MND1: variants seen among roughly 807,000 people sequenced by gnomAD.
MND1 encodes meiotic nuclear division protein 1 homolog.
Under a neutral mutation model 35.1 loss-of-function variants are expected in MND1, and 28 were observed. That is an observed-to-expected ratio of 0.80 (90% confidence interval 0.59 to 1.09). The LOEUF is 1.09. MND1 is among the 50% of genes least tolerant of loss of function. The pLI is 0.00. For synonymous variants in MND1, 69 were observed against 70.5 expected, an observed-to-expected ratio of 0.98 and a Z score of 0.11; for missense variants, 213 against 239.6, an observed-to-expected ratio of 0.89 and a Z score of 0.73.
intron 7 of MND1, among the ~76,000 whole-genome samples, chr4:153,409,599 A>G (rs964190049): frequency 6.6e-6 from 1 of 152,154 alleles, no homozygotes; most frequent in Non-Finnish European, 1.5e-5. Flanking sequence ...TAAAATGACT[A>G]TGTTTAGTCA....
At chr4:153,397,417 C>A in intron 6 of MND1, 84 bp downstream of exon 6, 2 of 900,922 alleles carry the variant, frequency 2.2e-6, no homozygotes, top group Non-Finnish European at 3.4e-6. Flanking sequence ...AACTATTCTC[C>A]ATGTATATGA....
chr4:153,378,810 T>G (rs1162993413), intron 4 of MND1, among the ~76,000 whole-genome samples: 2 of 152,208 alleles, frequency 1.3e-5, no homozygotes, highest in Non-Finnish European at 2.9e-5. Flanking sequence ...ATGGAGTCTC[T>G]GAAAGAGCCC....
intron 4 of MND1, among the ~76,000 whole-genome samples, chr4:153,385,076 T>C (rs1375193548): frequency 6.6e-6 from 1 of 152,240 alleles, no homozygotes; most frequent in African/African-American, 2.4e-5. Context: ...CCCAGCTATA[T>C]TTTGTGAAAA....
At chr4:153,391,418 A>G (rs1397169014) in intron 4 of MND1, among the ~76,000 whole-genome samples, 2 of 151,842 alleles carry the variant, frequency 1.3e-5, no homozygotes, top group Non-Finnish European at 2.9e-5. Flanking sequence ...ATAAATGGGA[A>G]CTCTTTTTTA....
chr4:153,396,536 G>A lies in MND1; in HGVS notation c.352-683G>A, dbSNP rs34887963. 6.6e-3 allele frequency among the ~76,000 whole-genome samples: 1,000 copies of A among 152,204 alleles called. 9 individuals are homozygous for A. Among genetic ancestry groups the A allele is most frequent in the African/African-American group, 0.023 (948 of 41,524 alleles). On this transcript the variant is annotated intron_variant, in intron 5 of 7. Coordinates refer to ENST00000240488, the MANE Select transcript of MND1 (RefSeq NM_032117.4). ...GTACTATAATCTTTGCCAACATTTG[G>A]TTTTTGTTTGGGCTTACTTTTCAGG...
intron 4 of MND1, among the ~76,000 whole-genome samples, chr4:153,370,671 C>A (rs1216292044): frequency 1.3e-5 from 2 of 152,012 alleles, no homozygotes; most frequent in Non-Finnish European, 2.9e-5. Context: ...GGGCAGGCAC[C>A]ATCACGCCTG....
At chr4:153,374,229 C>G (rs994644865) in intron 4 of MND1, among the ~76,000 whole-genome samples, 2 of 152,062 alleles carry the variant, frequency 1.3e-5, no homozygotes. Context: ...GAATAAATAC[C>G]GTAAGCTTTT....
intron 6 of MND1, among the ~76,000 whole-genome samples, chr4:153,398,293 A>C (rs1579948433): frequency 6.6e-6 from 1 of 152,200 alleles, no homozygotes. Context: ...TCTTTTATTT[A>C]GGAAACTTTA....
intron 6 of MND1, among the ~76,000 whole-genome samples, chr4:153,407,934 T>C (rs1256326325): frequency 6.6e-6 from 1 of 152,146 alleles, no homozygotes; most frequent in Non-Finnish European, 1.5e-5. Flanking sequence ...GAAAAAATGT[T>C]CTGGAATTAA....
chr4:153,383,013 A>G (rs184934909), intron 4 of MND1, among the ~76,000 whole-genome samples: 2 of 152,332 alleles, frequency 1.3e-5, no homozygotes, highest in East Asian at 1.9e-4. Context: ...AAGCAATTCC[A>G]TATGTGAAAA....
intron 1 of MND1, chr4:153,345,322 T>A (rs2149625630): frequency 1.0e-6 from 1 of 985,446 alleles, no homozygotes; most frequent in Non-Finnish European, 1.2e-6. Flanking sequence ...AGTTTCGAGT[T>A]ACCTAATGGA....
At chr4:153,375,890 A>C (rs1579921708) in intron 4 of MND1, among the ~76,000 whole-genome samples, 1 of 152,144 alleles carries the variant, frequency 6.6e-6, no homozygotes, top group South Asian at 2.1e-4. Flanking sequence ...AATAATTGTT[A>C]AACTAACATC....
intron 6 of MND1, among the ~76,000 whole-genome samples, chr4:153,399,600 T>C (rs1257724950): frequency 6.6e-6 from 1 of 152,192 alleles, no homozygotes; most frequent in Non-Finnish European, 1.5e-5. Flanking sequence ...GTAGCACTTT[T>C]GGCAAACACA....
chr4:153,351,769 T>C (rs1320768401), intron 2 of MND1, among the ~76,000 whole-genome samples: 1 of 152,222 alleles, frequency 6.6e-6, no homozygotes, highest in Non-Finnish European at 1.5e-5. Flanking sequence ...TGATTTTCTA[T>C]AGATGTCAAT....
At chr4:153,412,385 T>G (rs1035925929) in intron 7 of MND1, among the ~76,000 whole-genome samples, 6 of 152,144 alleles carry the variant, frequency 3.9e-5, no homozygotes, top group African/African-American at 1.4e-4. Context: ...AGGATCAAAT[T>G]TCAAGATCAA....
chr4:153,361,335 C>T (rs1773485202), intron 4 of MND1, among the ~76,000 whole-genome samples: 2 of 152,200 alleles, frequency 1.3e-5, no homozygotes, highest in Admixed American at 6.5e-5. Flanking sequence ...ACTTCATTGT[C>T]TTGTGGCATA....
intron 4 of MND1, among the ~76,000 whole-genome samples, chr4:153,367,621 C>A (rs1053851119): frequency 5.3e-5 from 8 of 152,142 alleles, no homozygotes; most frequent in Admixed American, 1.3e-4. Flanking sequence ...CACTTTTTGA[C>A]TATTCTGAAT....
chr4:153,386,025 T>C (rs1728848189), intron 4 of MND1, among the ~76,000 whole-genome samples: 1 of 152,096 alleles, frequency 6.6e-6, no homozygotes, highest in Non-Finnish European at 1.5e-5. Context: ...GGTTCACTGA[T>C]TGTAGCAAAT....
intron 1 of MND1, among the ~76,000 whole-genome samples, chr4:153,346,908 C>T (rs1200726052): frequency 1.3e-5 from 2 of 152,202 alleles, no homozygotes; most frequent in Admixed American, 1.3e-4. Flanking sequence ...AAGGGATTCC[C>T]ATTGCCCCGC....
Sources: allele counts gnomAD v4.1 joint callset (sites outside exome capture counted in the v4.1 genomes callset), GRCh38; gene constraint gnomAD v4.1.1; transcripts MANE v1.5; gene names NCBI Gene and HGNC (gene_info 2026-07-23, HGNC 2026-07-21).